Variants in ABCD2 observed in about 807,000 individuals in gnomAD.
ABCD2 encodes the protein ATP binding cassette subfamily D member 2.
A neutral mutation model predicts 70.9 loss-of-function variants in ABCD2; 36 were observed. The observed-to-expected ratio is 0.51, with a 90% CI of 0.39 to 0.67. ABCD2 has a LOEUF of 0.67. Ranked by LOEUF, ABCD2 falls within the 30% of genes least tolerant of loss-of-function variation. The pLI, the probability that ABCD2 is intolerant of heterozygous loss-of-function variation, is 0.00. For synonymous variants in ABCD2, 304 were observed against 306.9 expected (o/e 0.99, Z 0.10); for missense variants, 729 against 890.2 (o/e 0.82, Z 2.30).
the ABCD2 span, among the ~76,000 whole-genome samples, chr12:39,536,238 T>C: frequency 6.6e-6 from 1 of 152,238 alleles, no homozygotes; most frequent in Admixed American, 6.5e-5. Context: ...TATTTCACTT[T>C]TATTTGTTCC....
chr12:39,557,486 CTT>C (rs924935371), intron 9 of ABCD2, among the ~76,000 whole-genome samples: 1 of 152,136 alleles, frequency 6.6e-6, no homozygotes, highest in Admixed American at 6.5e-5. Context: ...AGAAAAACCC[CTT>C]TTCTTGGGAG....
At chr12:39,599,351 TA>T (rs1168724200) in intron 6 of ABCD2, among the ~76,000 whole-genome samples, 1 of 152,114 alleles carries the variant, frequency 6.6e-6, no homozygotes, top group Admixed American at 6.5e-5. Flanking sequence ...CTAACCTAAA[TA>T]AAAAAGTAAA....
intron 2 of ABCD2, among the ~76,000 whole-genome samples, chr12:39,612,503 T>C (rs906835907): frequency 6.6e-6 from 1 of 152,230 alleles, no homozygotes; most frequent in African/African-American, 2.4e-5. Flanking sequence ...ATACTATTTA[T>C]GAAATTTTCA....
the ABCD2 span, among the ~76,000 whole-genome samples, chr12:39,538,898 G>T: frequency 6.6e-6 from 1 of 152,168 alleles, no homozygotes; most frequent in African/African-American, 2.4e-5. Context: ...GTAGCAGTCA[G>T]GTCAGACTGG....
intron 9 of ABCD2, among the ~76,000 whole-genome samples, chr12:39,560,830 A>G (rs955774785): frequency 3.3e-5 from 5 of 152,160 alleles, no homozygotes; most frequent in Non-Finnish European, 7.3e-5. Flanking sequence ...TAATAGGTAC[A>G]AAAATAACAT....
At chr12:39,603,537 G>A (rs1941929207) in intron 5 of ABCD2, among the ~76,000 whole-genome samples, 1 of 151,764 alleles carries the variant, frequency 6.6e-6, no homozygotes, top group Admixed American at 6.6e-5. Flanking sequence ...AATTAAACTT[G>A]CTAATGACTT....
At chr12:39,614,844 G>A (rs953876755) in intron 2 of ABCD2, among the ~76,000 whole-genome samples, 1 of 151,996 alleles carries the variant, frequency 6.6e-6, no homozygotes, top group Admixed American at 6.6e-5. Context: ...TGATATTACA[G>A]ATTTTGAAGA....
Position 39,617,090 on chromosome 12 carries a change from A to G in ABCD2, c.1018T>C (p.Tyr340His). The change falls in exon 2 of 10, where the codon TAC becomes CAC. Residue 340 changes from tyrosine to histidine, a missense_variant. By Grantham distance (83) the Tyr-to-His change is moderately conservative. Transcript: ENST00000308666. ...ATCAGGAACTGTTCTATCATGATGT[A>G]CCACAAACGTTTGGATAAAATGAGG... Reference protein sequence around the residue: ...MNLILSKRLWYIMIEQFLMKY... With the variant: ...MNLILSKRLWHIMIEQFLMKY... 1 of 1,612,996 alleles carries G rather than the reference A, an allele frequency of 6.2e-7. No homozygotes were observed. Among genetic ancestry groups the G allele is most frequent in the Non-Finnish European group, 8.5e-7 (1 of 1,179,386 alleles).
downstream of ABCD2, among the ~76,000 whole-genome samples, chr12:39,547,732 T>A (rs1941039390): frequency 1.3e-5 from 2 of 152,150 alleles, no homozygotes; most frequent in Non-Finnish European, 2.9e-5. Context: ...ATCTGCTTCA[T>A]AACAATATGA....
Position 39,619,781 on chromosome 12 carries a change from A to C in ABCD2, c.-166T>G, listed in dbSNP as rs995279605. ...TTTGTTCTGCTGTGACAGATGCAGC[A>C]GAGCTCAGACTCCGCTGCATCTACC... On this transcript the variant is annotated 5_prime_UTR_variant, in exon 1 of 10. Transcript: ENST00000308666. 1 of 639,382 alleles carries C rather than the reference A, an allele frequency of 1.6e-6. No homozygotes were observed. The allele number at this position is 639,382 out of a possible 1,614,324, so 39.6% of individuals were successfully genotyped here.
chr12:39,565,112 G>C (rs1158074894), intron 9 of ABCD2, among the ~76,000 whole-genome samples: 1 of 152,114 alleles, frequency 6.6e-6, no homozygotes, highest in Non-Finnish European at 1.5e-5. Flanking sequence ...GGCAATATGG[G>C]CTCTTTTTTG....
the ABCD2 span, among the ~76,000 whole-genome samples, chr12:39,540,907 C>T: frequency 7.2e-5 from 11 of 152,350 alleles, no homozygotes; most frequent in Non-Finnish European, 1.0e-4. Context: ...TGCAACCAAC[C>T]GCCTTGGGCA....
chr12:39,565,050 A>C (rs1941323049), intron 9 of ABCD2, among the ~76,000 whole-genome samples: 1 of 152,206 alleles, frequency 6.6e-6, no homozygotes, highest in South Asian at 2.1e-4. Context: ...TATAGTTTGA[A>C]GTCGGGTAGC....
Position 39,553,616 on chromosome 12 carries a change from C to T in ABCD2, c.*296G>A. ...TGTTTGTTAAGAACTTCAGACACACCACATATACATAGTAAATCTGGTATT... is the reference window on the plus strand; with the variant it reads ...TGTTTGTTAAGAACTTCAGACACACTACATATACATAGTAAATCTGGTATT... On this transcript the variant is annotated 3_prime_UTR_variant, in exon 10 of 10. Transcript: ENST00000308666. The T allele has an allele frequency of 3.3e-6, 1 of 304,778 alleles. No individual in the cohort carries two copies. 18.9% of individuals were successfully genotyped at this position (304,778 alleles called of 1,614,324 possible).
At chr12:39,568,342 T>C (rs1941390811) in intron 9 of ABCD2, among the ~76,000 whole-genome samples, 1 of 152,224 alleles carries the variant, frequency 6.6e-6, no homozygotes, top group Admixed American at 6.5e-5. Flanking sequence ...TTCCTTTTTC[T>C]CTAAACTTCT....
chr12:39,538,203 T>C, the ABCD2 span, among the ~76,000 whole-genome samples: 1 of 148,844 alleles, frequency 6.7e-6, no homozygotes, highest in African/African-American at 2.5e-5. Context: ...GGAGTCTCGC[T>C]GTGTCTCCCA....
At chr12:39,534,917 AAAGAAAG>A in the ABCD2 span, among the ~76,000 whole-genome samples, 1 of 118,920 alleles carries the variant, frequency 8.4e-6, no homozygotes, top group Admixed American at 8.1e-5. Flanking sequence ...AGAAAGAAAG[AAAGAAAG>A]AAAGAAAGAA....
chr12:39,604,118 T>G (rs1005233486), intron 4 of ABCD2, 112 bp from the exon 5 acceptor site: 4 of 719,774 alleles, frequency 5.6e-6, no homozygotes, highest in Non-Finnish European at 8.9e-6. Flanking sequence ...TAATTCACAG[T>G]AATAAATCAC....
At chr12:39,556,236 C>A (rs1941163087) in intron 9 of ABCD2, among the ~76,000 whole-genome samples, 1 of 152,038 alleles carries the variant, frequency 6.6e-6, no homozygotes, top group Non-Finnish European at 1.5e-5. Flanking sequence ...TTTGACCTGC[C>A]TGACAAAAAA....
Sources: allele counts gnomAD v4.1 joint callset (sites outside exome capture counted in the v4.1 genomes callset), GRCh38; gene constraint gnomAD v4.1.1; transcripts MANE v1.5; gene names NCBI Gene and HGNC (gene_info 2026-07-23, HGNC 2026-07-21).